The following ASTN2 variants were observed in gnomAD, a reference collection of about 807,000 sequenced individuals.
ASTN2 encodes the protein astrotactin 2.
ASTN2 carries 54 observed loss-of-function variants against 139.8 expected under a neutral mutation model. The ratio of observed to expected loss-of-function variants is 0.39; its 90% confidence interval spans 0.31 to 0.48. ASTN2 has a LOEUF of 0.48. ASTN2 is among the 20% of genes least tolerant of loss of function. ASTN2 has a pLI of 0.95. For synonymous variants in ASTN2, 756 were observed against 719.5 expected, an observed-to-expected ratio of 1.05 and a Z score of -0.81; for missense variants, 1,565 against 1,725.1, an observed-to-expected ratio of 0.91 and a Z score of 1.64.
At chr9:117,071,479 GC>G (rs1321884901) in intron 5 of ASTN2, among the ~76,000 whole-genome samples, 3 of 150,186 alleles carry the variant, frequency 2.0e-5, no homozygotes, top group Non-Finnish European at 4.5e-5. Context: ...TCTGTGCCCT[GC>G]CCCCAGAGGT....
At chr9:117,123,089 T>C (rs1232238870) in intron 4 of ASTN2, among the ~76,000 whole-genome samples, 2 of 152,056 alleles carry the variant, frequency 1.3e-5, no homozygotes, top group Non-Finnish European at 2.9e-5. Context: ...CACTTAATCA[T>C]GTATCAGGAT....
intron 2 of ASTN2, among the ~76,000 whole-genome samples, chr9:117,259,361 G>T (rs899380514): frequency 2.0e-5 from 3 of 152,124 alleles, no homozygotes; most frequent in African/African-American, 7.2e-5. Flanking sequence ...TCTCGGCCAA[G>T]GGCATTTCAA....
At chr9:117,026,475 T>C (rs1055410209) in intron 6 of ASTN2, among the ~76,000 whole-genome samples, 1 of 152,136 alleles carries the variant, frequency 6.6e-6, no homozygotes. Context: ...TCATCAACCT[T>C]TCAGGGATCC....
chr9:116,510,112 T>A (rs566165614), intron 19 of ASTN2, among the ~76,000 whole-genome samples: 4 of 152,270 alleles, frequency 2.6e-5, no homozygotes, highest in African/African-American at 4.8e-5. Flanking sequence ...ATTGCCTAGG[T>A]TTTCTTCTAA....
chr9:117,174,084 T>A (rs540296897), intron 3 of ASTN2, among the ~76,000 whole-genome samples: 1 of 151,614 alleles, frequency 6.6e-6, no homozygotes, highest in African/African-American at 2.4e-5. Flanking sequence ...GAATTATAGA[T>A]GTGGTAGAGA....
chr9:116,731,411 T>G (rs1352609393), intron 14 of ASTN2, among the ~76,000 whole-genome samples: 2 of 151,984 alleles, frequency 1.3e-5, no homozygotes, highest in Admixed American at 1.3e-4. Context: ...TTTTTGTTAT[T>G]GTGTTTTGTT....
Position 116,779,500 on chromosome 9 carries a change from TA to T in ASTN2, c.2396+26131del, listed in dbSNP as rs1051223031. On this transcript the variant is annotated intron_variant, in intron 13 of 22. Coordinates refer to ENST00000313400, the MANE Select transcript of ASTN2 (RefSeq NM_001365068.1). ...TCTTTATAAATTACCCAGTCTCAGA[TA>T]TTTTTTTTTTTTATAGCAACACAGA... Among the ~76,000 whole-genome samples, 228 of 26,926 alleles carry T rather than the reference TA, an allele frequency of 8.5e-3. 1 individual carries two copies. Among genetic ancestry groups the T allele is most frequent in the African/African-American group, 0.012 (201 of 16,974 alleles). 17.7% of individuals were successfully genotyped at this position (26,926 alleles called of 152,430 possible).
intron 12 of ASTN2, among the ~76,000 whole-genome samples, chr9:116,811,416 A>C (rs1831164314): frequency 6.6e-6 from 1 of 152,246 alleles, no homozygotes; most frequent in Non-Finnish European, 1.5e-5. Context: ...GATATTTAAA[A>C]ATATAATTCC....
chr9:117,068,373 G>A lies in ASTN2; in HGVS notation c.1276+27671C>T, dbSNP rs947102276. Among the ~76,000 whole-genome samples the A allele has an allele frequency of 5.7e-4, 32 of 56,010 alleles. 3 individuals are homozygous for A. The highest frequency in any genetic ancestry group is 2.1e-3 in the African/African-American group (30 of 14,420). 36.7% of individuals were successfully genotyped at this position (56,010 alleles called of 152,430 possible). ...GGGATGAAGCCCACTTGATCATGGT[G>A]GATAAGCTTTTTGATGTGCTGCTGG... On this transcript the variant is annotated intron_variant, in intron 5 of 22. Coordinates refer to ENST00000313400, the MANE Select transcript of ASTN2 (RefSeq NM_001365068.1).
At chr9:117,287,345 G>A (rs1198186728) in intron 2 of ASTN2, among the ~76,000 whole-genome samples, 1 of 152,138 alleles carries the variant, frequency 6.6e-6, no homozygotes, top group African/African-American at 2.4e-5. Context: ...AAATACCCAT[G>A]GATTCCACAT....
intron 13 of ASTN2, among the ~76,000 whole-genome samples, chr9:116,776,260 G>A (rs1387983223): frequency 6.6e-6 from 1 of 152,188 alleles, no homozygotes; most frequent in African/African-American, 2.4e-5. Flanking sequence ...AAGGGTTTTA[G>A]GTAAGGTACA....
rs1294039479 is a variant in ASTN2 at position 116,556,988 on chromosome 9, C to T, written c.3355+61336G>A. Among the ~76,000 whole-genome samples, 6 of 151,460 alleles carry T rather than the reference C, an allele frequency of 4.0e-5. No homozygotes were observed. The South Asian group carries it at 8.3e-4, about 21-fold the overall frequency. On this transcript the variant is annotated intron_variant, in intron 19 of 22. Transcript: ENST00000313400. ...TAAACTCCATGATATATTGGGAGGC[C>T]GAGGCAGGTGGACCACGAGGTTAGG...
At chr9:116,881,661 G>A (rs1045446680) in intron 10 of ASTN2, among the ~76,000 whole-genome samples, 1 of 152,150 alleles carries the variant, frequency 6.6e-6, no homozygotes, top group Non-Finnish European at 1.5e-5. Context: ...CACTGCCTTT[G>A]CATGGTTTTG....
intron 19 of ASTN2, among the ~76,000 whole-genome samples, chr9:116,542,281 T>C (rs548389114): frequency 2.6e-5 from 4 of 152,334 alleles, no homozygotes; most frequent in African/African-American, 9.6e-5. Context: ...CAAATTTACA[T>C]TAGCACCAAC....
chr9:117,273,275 C>A (rs1834108541), intron 2 of ASTN2, among the ~76,000 whole-genome samples: 1 of 152,186 alleles, frequency 6.6e-6, no homozygotes, highest in Non-Finnish European at 1.5e-5. Flanking sequence ...TCAATTACCT[C>A]CCCTTGGGTC....
At chr9:116,719,767 A>G (rs945354363) in intron 16 of ASTN2, among the ~76,000 whole-genome samples, 2 of 152,096 alleles carry the variant, frequency 1.3e-5, no homozygotes, top group Non-Finnish European at 2.9e-5. Flanking sequence ...GAACCTGCAG[A>G]GGAGACAGAG....
chr9:116,682,026 G>T (rs1859907711), intron 16 of ASTN2, among the ~76,000 whole-genome samples: 3 of 151,642 alleles, frequency 2.0e-5, no homozygotes, highest in Non-Finnish European at 4.4e-5. Context: ...TTGACAAATG[G>T]GATCTAATTA....
chr9:116,752,213 CT>C (rs879691060), intron 13 of ASTN2, among the ~76,000 whole-genome samples: 5 of 152,136 alleles, frequency 3.3e-5, no homozygotes, highest in Non-Finnish European at 5.9e-5. Context: ...GTCAACTGAT[CT>C]TTAACGCAGA....
At chr9:116,426,217 G>A (rs1035512120) in intron 22 of ASTN2, 129 bp from the exon 23 acceptor site, 33 of 1,137,272 alleles carry the variant, frequency 2.9e-5, no homozygotes, top group South Asian at 9.0e-5. Flanking sequence ...AGATTGGAGT[G>A]TGGTACTTCA....
Sources: allele counts gnomAD v4.1 joint callset (sites outside exome capture counted in the v4.1 genomes callset), GRCh38; gene constraint gnomAD v4.1.1; transcripts MANE v1.5; gene names NCBI Gene and HGNC (gene_info 2026-07-23, HGNC 2026-07-21).